Variants in ARHGAP18 observed in about 807,000 individuals in gnomAD.
The protein encoded by ARHGAP18 is Rho GTPase activating protein 18, also known as rho GTPase-activating protein 18.
Under a neutral mutation model 86.2 loss-of-function variants are expected in ARHGAP18, and 67 were observed. That is an observed-to-expected ratio of 0.78 (90% CI 0.64 to 0.95). The LOEUF is 0.95. Ranked by LOEUF, ARHGAP18 falls within the 40% of genes least tolerant of loss-of-function variation. The probability of loss-of-function intolerance (pLI) is 0.00; values close to 1 mark genes in which losing one functional copy is unlikely to be tolerated. For missense variants in ARHGAP18, 691 were observed against 780.4 expected (o/e 0.89, Z 1.37); for synonymous variants, 283 against 280.4 (o/e 1.01, Z -0.09).
Position 129,583,497 on chromosome 6 carries a change from C to G in ARHGAP18, c.1838+491G>C, listed in dbSNP as rs146201643. On this transcript the variant is annotated intron_variant, in intron 13 of 14. Transcript: ENST00000368149. ...GTATGTTCTCCCCTTGAGACTTCAG[C>G]GCTCAAAGGCCTGGTTTTCCTCTTT... 9.2e-4 allele frequency among the ~76,000 whole-genome samples: 140 copies of G among 152,238 alleles called. 2 individuals carry two copies. The highest frequency in any genetic ancestry group is 3.2e-3 in the African/African-American group (135 of 41,550).
chr6:129,577,251 C>A lies in ARHGAP18; in HGVS notation c.*1262G>T, dbSNP rs569919863. The A allele has an allele frequency of 6.6e-6, 1 of 152,138 alleles. No homozygotes were observed. The highest frequency in any genetic ancestry group is 1.5e-5 in the Non-Finnish European group (1 of 68,010). The allele number at this position is 152,138 out of a possible 1,614,324, so 9.4% of individuals were successfully genotyped here. ...CTGTTCTCATTAACAGCATTCCCCC[C>A]CTTCATTAGAGACATCAAGAGCTTC... is the stretch of plus-strand genomic sequence containing the variant. On this transcript the variant is annotated 3_prime_UTR_variant, in exon 15 of 15. Coordinates refer to ENST00000368149, the MANE Select transcript of ARHGAP18 (RefSeq NM_033515.3).
chr6:129,690,018 T>A lies in ARHGAP18; in HGVS notation c.113+20006A>T, dbSNP rs142952231. 5.5e-3 allele frequency among the ~76,000 whole-genome samples: 841 copies of A among 152,342 alleles called. 4 individuals carry two copies. The highest frequency in any genetic ancestry group is 0.018 in the African/African-American group (739 of 41,574). The stretch of plus-strand genomic sequence containing the variant: ...ACATCTATTTAAATTATGAGTCTTA[T>A]GTTAATCTTATGTTAATAAGCAGAC... On this transcript the variant is annotated intron_variant, in intron 1 of 14. Coordinates refer to ENST00000368149, the MANE Select transcript of ARHGAP18 (RefSeq NM_033515.3).
chr6:129,682,345 T>C (rs1774338232), intron 1 of ARHGAP18, among the ~76,000 whole-genome samples: 1 of 152,250 alleles, frequency 6.6e-6, no homozygotes, highest in Admixed American at 6.5e-5. Context: ...TGACCACTTC[T>C]GAAGCCCCCT....
intron 1 of ARHGAP18, among the ~76,000 whole-genome samples, chr6:129,652,651 A>G (rs1379153302): frequency 6.6e-6 from 1 of 152,212 alleles, no homozygotes; most frequent in South Asian, 2.1e-4. Flanking sequence ...ATTCCCTCAC[A>G]TATAAGACTT....
chr6:129,613,918 A>G (rs1014581811), intron 7 of ARHGAP18, among the ~76,000 whole-genome samples: 3 of 152,124 alleles, frequency 2.0e-5, no homozygotes, highest in Non-Finnish European at 4.4e-5. Flanking sequence ...TTACATACTT[A>G]TGTGAATTGA....
intron 1 of ARHGAP18, among the ~76,000 whole-genome samples, chr6:129,648,051 A>G (rs1183723662): frequency 3.3e-5 from 5 of 152,252 alleles, no homozygotes; most frequent in Non-Finnish European, 7.3e-5. Flanking sequence ...GACACAGTCT[A>G]TAATTTGCAC....
intron 12 of ARHGAP18, among the ~76,000 whole-genome samples, chr6:129,585,785 A>G (rs1226201645): frequency 6.6e-6 from 1 of 152,144 alleles, no homozygotes; most frequent in Non-Finnish European, 1.5e-5. Context: ...TGCAGGACAT[A>G]TTATGCTCAA....
chr6:129,640,615 CTTT>C (rs1055823742), intron 2 of ARHGAP18, among the ~76,000 whole-genome samples: 2 of 152,110 alleles, frequency 1.3e-5, no homozygotes, highest in Admixed American at 6.5e-5. Flanking sequence ...CCCAAGTCTT[CTTT>C]TTAAATTAAT....
At chr6:129,668,055 G>A (rs1006326201) in intron 1 of ARHGAP18, among the ~76,000 whole-genome samples, 2 of 152,178 alleles carry the variant, frequency 1.3e-5, no homozygotes, top group Non-Finnish European at 2.9e-5. Context: ...GGATATGCAA[G>A]TAAATCTGCA....
chr6:129,626,708 GA>G lies in ARHGAP18; in HGVS notation c.786+2644del, dbSNP rs546434570. ...ACACACACACACACACAGACAAATA[GA>G]AAAAAAAAGAAAAACAAGTTTAAAC... On this transcript the variant is annotated intron_variant, in intron 5 of 14. Transcript: ENST00000368149. Among the ~76,000 whole-genome samples, 35 of 145,426 alleles carry G rather than the reference GA, an allele frequency of 2.4e-4. No homozygotes were observed. The South Asian group carries it at 3.1e-3, about 13-fold the overall frequency.
chr6:129,621,541 T>C (rs1004711438), intron 5 of ARHGAP18, among the ~76,000 whole-genome samples: 7 of 152,182 alleles, frequency 4.6e-5, no homozygotes, highest in East Asian at 1.9e-4. Flanking sequence ...TCACTTACTA[T>C]GTGACCTTTG....
chr6:129,671,380 A>G (rs1774137968), intron 1 of ARHGAP18, among the ~76,000 whole-genome samples: 1 of 152,162 alleles, frequency 6.6e-6, no homozygotes, highest in African/African-American at 2.4e-5. Flanking sequence ...ATAAAGGGAC[A>G]CGTGTGTTCA....
At chr6:129,628,622 C>A (rs1441396509) in intron 5 of ARHGAP18, among the ~76,000 whole-genome samples, 1 of 152,092 alleles carries the variant, frequency 6.6e-6, no homozygotes, top group Admixed American at 6.6e-5. Flanking sequence ...ATGATGCAAT[C>A]GAAGGCATAA....
At chr6:129,661,717 T>C (rs1206328998) in intron 1 of ARHGAP18, 2 of 226,674 alleles carry the variant, frequency 8.8e-6, no homozygotes, top group Non-Finnish European at 1.5e-5. Context: ...ATGAACCAAA[T>C]TGGCAGCAAG....
intron 1 of ARHGAP18, among the ~76,000 whole-genome samples, chr6:129,657,483 A>G (rs1039456411): frequency 6.6e-6 from 1 of 152,052 alleles, no homozygotes; most frequent in Non-Finnish European, 1.5e-5. Context: ...GACAGGAGCA[A>G]TTTCTCCAAT....
chr6:129,630,382 C>T (rs1012910119), intron 4 of ARHGAP18, among the ~76,000 whole-genome samples: 1 of 151,960 alleles, frequency 6.6e-6, no homozygotes, highest in Non-Finnish European at 1.5e-5. Context: ...CAGAAAAAAA[C>T]CTAAAGCCAA....
rs536094250 is a variant in ARHGAP18, at chr6:129,601,677, G to C, written c.1366-829C>G. 9.7e-4 allele frequency among the ~76,000 whole-genome samples: 147 copies of C among 151,508 alleles called. 1 individual carries two copies. The highest frequency in any genetic ancestry group is 3.4e-3 in the African/African-American group (142 of 41,342). ...AGGTCTCACTCTGTTGCCCAGGCTG[G>C]TGTGCAGTGAGAGATCATAGCTCAC... On this transcript the variant is annotated intron_variant, in intron 10 of 14. Coordinates refer to ENST00000368149, the MANE Select transcript of ARHGAP18 (RefSeq NM_033515.3).
At chr6:129,583,025 C>T (rs1247406512) in intron 13 of ARHGAP18, among the ~76,000 whole-genome samples, 1 of 152,144 alleles carries the variant, frequency 6.6e-6, no homozygotes, top group Non-Finnish European at 1.5e-5. Flanking sequence ...TTATACCTCC[C>T]CTTCCAATTA....
chr6:129,642,182 T>C (rs1584081079), intron 1 of ARHGAP18, among the ~76,000 whole-genome samples, 164 bp from the exon 2 acceptor site: 1 of 152,220 alleles, frequency 6.6e-6, no homozygotes, highest in South Asian at 2.1e-4. Flanking sequence ...GATTATAATA[T>C]GCTTGTAGAA....
Sources: gnomAD v4.1 joint callset for allele counts (sites outside exome capture counted in the v4.1 genomes callset) on GRCh38, gnomAD v4.1.1 for gene constraint, MANE v1.5 for transcripts, NCBI Gene and HGNC (gene_info 2026-07-23, HGNC 2026-07-21) for gene names.